ABCG1: variants seen among roughly 807,000 people sequenced by gnomAD.
ABCG1 encodes the protein ATP-binding cassette sub-family G member 1.
A neutral mutation model predicts 69.2 loss-of-function variants in ABCG1; 29 were observed. The ratio of observed to expected loss-of-function variants is 0.42; its 90% CI spans 0.31 to 0.57. ABCG1 has a LOEUF of 0.57. Ranked by LOEUF, ABCG1 falls within the 20% of genes least tolerant of loss-of-function variation. The pLI is 0.15. For missense variants in ABCG1, 718 were observed against 898.1 expected (o/e 0.80, Z 2.56); for synonymous variants, 370 against 374.8 (o/e 0.99, Z 0.15).
At chr21:42,205,558 A>G (rs755652827) in intron 2 of ABCG1, among the ~76,000 whole-genome samples, 1 of 151,520 alleles carries the variant, frequency 6.6e-6, no homozygotes, top group Non-Finnish European at 1.5e-5. Flanking sequence ...AGATCATGAC[A>G]CTGCGCTCCA....
At chr21:42,214,991 G>A (rs2067624568), upstream of ABCG1, among the ~76,000 whole-genome samples, 1 of 152,208 alleles carries the variant, frequency 6.6e-6, no homozygotes, top group Non-Finnish European at 1.5e-5. Flanking sequence ...GATGTCCCCG[G>A]CCACACAGTG....
chr21:42,221,695 C>T (rs1309844611), intron 1 of ABCG1, among the ~76,000 whole-genome samples: 7 of 152,210 alleles, frequency 4.6e-5, no homozygotes, highest in Non-Finnish European at 8.8e-5. Context: ...GATGCTTAGG[C>T]AGGTACCAAG....
intron 2 of ABCG1, among the ~76,000 whole-genome samples, chr21:42,240,435 T>C (rs1228963345): frequency 6.6e-6 from 1 of 152,258 alleles, no homozygotes; most frequent in East Asian, 1.9e-4. Context: ...TTCACACTTA[T>C]GGCTTAAAAA....
chr21:42,211,085 G>C (rs1462771307), upstream of ABCG1, among the ~76,000 whole-genome samples: 1 of 151,770 alleles, frequency 6.6e-6, no homozygotes, highest in Non-Finnish European at 1.5e-5. Flanking sequence ...TCAGCCTCTG[G>C]AGTAGCTGGG....
upstream of ABCG1, among the ~76,000 whole-genome samples, chr21:42,212,136 A>G (rs2067595491): frequency 6.6e-6 from 1 of 152,178 alleles, no homozygotes; most frequent in Non-Finnish European, 1.5e-5. Context: ...AGAAGTGTGA[A>G]CAATACATTT....
chr21:42,255,365 A>G (rs540882920), intron 2 of ABCG1, among the ~76,000 whole-genome samples: 46 of 152,302 alleles, frequency 3.0e-4, no homozygotes, highest in African/African-American at 1.1e-3. Context: ...GTGTGTGCAC[A>G]TGATGCACAT....
intron 2 of ABCG1, chr21:42,259,322 C>T (rs796156372): frequency 3.3e-5 from 51 of 1,547,708 alleles, no homozygotes; most frequent in African/African-American, 1.1e-4. Context: ...TAGCCACAGC[C>T]GTGCATGTAC....
intron 6 of ABCG1, among the ~76,000 whole-genome samples, chr21:42,283,347 GAT>G (rs1240293825): frequency 1.3e-5 from 2 of 152,184 alleles, no homozygotes; most frequent in Non-Finnish European, 2.9e-5. Flanking sequence ...AATGCCCTGA[GAT>G]GGGTGGGCTC....
At chr21:42,258,753 G>A (rs557441569) in intron 2 of ABCG1, among the ~76,000 whole-genome samples, 2 of 152,308 alleles carry the variant, frequency 1.3e-5, no homozygotes, top group African/African-American at 4.8e-5. Flanking sequence ...GGCAGCTGCT[G>A]TAAGACTCGG....
intron 2 of ABCG1, among the ~76,000 whole-genome samples, chr21:42,268,525 G>A (rs948272986): frequency 6.6e-6 from 1 of 152,070 alleles, no homozygotes; most frequent in African/African-American, 2.4e-5. Flanking sequence ...CCCACAGCAG[G>A]GCAGACTAAT....
chr21:42,215,887 A>G (rs1252853409), upstream of ABCG1, among the ~76,000 whole-genome samples: 1 of 152,178 alleles, frequency 6.6e-6, no homozygotes, highest in Non-Finnish European at 1.5e-5. Flanking sequence ...AACACTTAAT[A>G]ATGGAGTGGG....
chr21:42,265,306 T>C (rs971031346), intron 2 of ABCG1, among the ~76,000 whole-genome samples: 2 of 152,176 alleles, frequency 1.3e-5, no homozygotes, highest in African/African-American at 4.8e-5. Context: ...CAAATAGATA[T>C]GTTGAAGTTC....
At position 42,276,776 on chromosome 21, in the gene ABCG1, TG is replaced by T; in HGVS notation, c.538-117del. The stretch of plus-strand genomic sequence containing the variant: ...CTGTGGGTAGCTGCACCGTGGCTAG[TG>T]GCACTGTGGCTAGCTGCATCTTGGC... On this transcript the variant is annotated intron_variant, in intron 4 of 14. Transcript: ENST00000398449. This position sits in a 1 kb window ranked among gnomAD's most constrained non-coding sequence, Gnocchi z 5.3. 1.0e-6 allele frequency: 1 copy of T among 987,366 alleles called. No homozygotes were observed. Among genetic ancestry groups the T allele is most frequent in the Non-Finnish European group, 1.6e-6 (1 of 631,322 alleles). The allele number at this position is 987,366 out of a possible 1,614,324, so 61.2% of individuals were successfully genotyped here.
At chr21:42,206,407 A>G (rs1306353880) in intron 2 of ABCG1, among the ~76,000 whole-genome samples, 1 of 151,298 alleles carries the variant, frequency 6.6e-6, no homozygotes, top group Non-Finnish European at 1.5e-5. Flanking sequence ...AACAAACACA[A>G]TCTGTACAAT....
chr21:42,209,826 G>A lies in ABCG1; in HGVS notation c.48+8103G>A, dbSNP rs1374942603. ...TTGAAACAGTCTTCTGAGGTGAACA[G>A]GATGGATCATCAGCCCGCTTAATAG... On this transcript the variant is annotated intron_variant, in intron 2 of 15. Transcript: ENST00000398457. 5.9e-5 allele frequency among the ~76,000 whole-genome samples: 9 copies of A among 152,248 alleles called. No individual in the cohort carries two copies. In the East Asian group the frequency reaches 1.7e-3, roughly 29 times the overall value.
At chr21:42,222,346 G>A (rs892413733) in intron 1 of ABCG1, among the ~76,000 whole-genome samples, 5 of 152,224 alleles carry the variant, frequency 3.3e-5, no homozygotes, top group African/African-American at 7.2e-5. Flanking sequence ...TTAATTGGGT[G>A]AGGCTGTTAG....
At chr21:42,212,333 C>T (rs2067596919), upstream of ABCG1, among the ~76,000 whole-genome samples, 2 of 152,068 alleles carry the variant, frequency 1.3e-5, no homozygotes, top group Admixed American at 6.5e-5. Flanking sequence ...AAGGCCTGGA[C>T]TGCCAAGAGT....
rs1341912152 is a variant in ABCG1, at chr21:42,285,889, C to A, written c.868C>A (p.Leu290Met). Residue 290 changes from leucine to methionine, a missense_variant, in exon 8 of 15, where the codon CTG becomes ATG. This residue lies in a region of ABCG1 where 514 missense variants were observed against 574.3 expected (regional missense o/e 0.90). Transcript: ENST00000398449. ...CCTTCCTTTTTTCCAGCTTTACGTCCTGAGTCAAGGACAATGTGTGTACCG... is the reference window on the plus strand; with the variant it reads ...CCTTCCTTTTTTCCAGCTTTACGTCATGAGTCAAGGACAATGTGTGTACCG... ...LFELFDQLYVLSQGQCVYRGK... is the reference protein window; with the variant it reads ...LFELFDQLYVMSQGQCVYRGK... 6.2e-7 allele frequency: 1 copy of A among 1,613,280 alleles called. No individual in the cohort carries two copies. The highest frequency in any genetic ancestry group is 8.5e-7 in the Non-Finnish European group (1 of 1,179,416).
intron 2 of ABCG1, among the ~76,000 whole-genome samples, chr21:42,208,371 G>C (rs1432182695): frequency 6.6e-6 from 1 of 152,064 alleles, no homozygotes; most frequent in East Asian, 1.9e-4. Flanking sequence ...TGGATGGTTT[G>C]CCTTCCTTTT....
Sources: gnomAD v4.1 joint callset for allele counts (sites outside exome capture counted in the v4.1 genomes callset) on GRCh38, gnomAD v4.1.1 for gene constraint, gnomAD v4.1.1 regional missense constraint, Gnocchi (gnomAD v3.1) non-coding constraint, MANE v1.5 for transcripts, NCBI Gene and HGNC (gene_info 2026-07-23, HGNC 2026-07-21) for gene names.